Variants in FBXW7 observed in about 807,000 individuals in gnomAD.
FBXW7 encodes the protein F-box and WD repeat domain containing 7, also known as F-box/WD repeat-containing protein 7.
Under a neutral mutation model 86.3 loss-of-function variants are expected in FBXW7, and 11 were observed. That is an observed-to-expected ratio of 0.13 (90% CI 0.08 to 0.21). The LOEUF is 0.21. FBXW7 is among the 10% of genes least tolerant of loss of function. The pLI, the probability that FBXW7 is intolerant of heterozygous loss-of-function variation, is 1.00. For missense variants in FBXW7, 488 were observed against 847.4 expected (o/e 0.58, Z 5.27); for synonymous variants, 313 against 297.9 (o/e 1.05, Z -0.52).
At chr4:152,456,886 G>A (rs561443147) in intron 2 of FBXW7, among the ~76,000 whole-genome samples, 11 of 152,170 alleles carry the variant, frequency 7.2e-5, no homozygotes, top group Non-Finnish European at 1.3e-4. Context: ...AAGAGCACAA[G>A]TCCACATAAA....
In FBXW7 at chr4:152,499,543, G is replaced by A. The variant is rs868367203; in HGVS notation, c.-120+35398C>T. Reference sequence around the variant, plus strand: ...ACAAGACTCTCTCTGTTCCTCATATGGAGGTAAGAACCAGAGACTTATCAG... The same window carrying A: ...ACAAGACTCTCTCTGTTCCTCATATAGAGGTAAGAACCAGAGACTTATCAG... On this transcript the variant is annotated intron_variant, in intron 2 of 13. Transcript: ENST00000281708. Among the ~76,000 whole-genome samples, 4 of 151,882 alleles carry A rather than the reference G, an allele frequency of 2.6e-5. No homozygotes were observed. In the South Asian group the frequency reaches 8.3e-4, roughly 32 times the overall value.
intron 4 of FBXW7, among the ~76,000 whole-genome samples, chr4:152,364,497 TTTG>T (rs1462888286): frequency 2.0e-5 from 3 of 152,326 alleles, no homozygotes; most frequent in South Asian, 4.1e-4. Context: ...TCAAATGTTC[TTTG>T]TTGATTACTC....
intron 4 of FBXW7, 111 bp from the exon 5 acceptor site, chr4:152,350,235 T>A: frequency 2.0e-6 from 1 of 493,520 alleles, no homozygotes; most frequent in African/African-American, 2.0e-5. Flanking sequence ...CCTACAATGT[T>A]AATTAAATAT....
chr4:152,398,226 T>A (rs1169935898), intron 4 of FBXW7, among the ~76,000 whole-genome samples: 1 of 151,850 alleles, frequency 6.6e-6, no homozygotes, highest in African/African-American at 2.4e-5. Flanking sequence ...TATTTAAATA[T>A]ATGGAAAGCC....
At chr4:152,411,123 ATC>A in intron 4 of FBXW7, 178 bp downstream of exon 4, 1 of 1,014,862 alleles carries the variant, frequency 9.9e-7, no homozygotes, top group Non-Finnish European at 1.3e-6. Context: ...TTGTCCCATT[ATC>A]AGTATTTCTA....
chr4:152,483,023 G>A (rs949302234), intron 2 of FBXW7, among the ~76,000 whole-genome samples: 2 of 152,006 alleles, frequency 1.3e-5, no homozygotes, highest in Non-Finnish European at 2.9e-5. Context: ...TAATCAGCTT[G>A]CTAATATTCT....
chr4:152,434,196 T>C (rs1409646491), intron 2 of FBXW7, among the ~76,000 whole-genome samples: 2 of 152,196 alleles, frequency 1.3e-5, no homozygotes, highest in Non-Finnish European at 2.9e-5. Context: ...GGACAGTAAG[T>C]GTCGTACGGA....
chr4:152,391,606 C>G (rs562954871), intron 4 of FBXW7, among the ~76,000 whole-genome samples: 1 of 152,174 alleles, frequency 6.6e-6, no homozygotes, highest in Middle Eastern at 3.4e-3. Flanking sequence ...AATACGTACG[C>G]ATTGTTTCAG....
chr4:152,534,134 G>A (rs926173879), intron 2 of FBXW7, among the ~76,000 whole-genome samples: 5 of 151,662 alleles, frequency 3.3e-5, no homozygotes, highest in Admixed American at 3.3e-4. Context: ...TTAAAATAAT[G>A]GAAGGAAAAA....
At chr4:152,332,105 A>G (rs1729615763) in intron 8 of FBXW7, among the ~76,000 whole-genome samples, 1 of 151,718 alleles carries the variant, frequency 6.6e-6, no homozygotes, top group South Asian at 2.1e-4. Flanking sequence ...AAAAAAAACA[A>G]AAACAAAAAA....
intron 2 of FBXW7, among the ~76,000 whole-genome samples, chr4:152,460,157 AG>A (rs1742811169): frequency 6.6e-6 from 1 of 152,196 alleles, no homozygotes; most frequent in African/African-American, 2.4e-5. Flanking sequence ...CACATTTTTA[AG>A]TTTTTTAGAA....
intron 2 of FBXW7, among the ~76,000 whole-genome samples, chr4:152,421,712 T>C (rs749247858): frequency 3.3e-5 from 5 of 152,152 alleles, no homozygotes; most frequent in Non-Finnish European, 2.9e-5. Flanking sequence ...TCTTTTCACT[T>C]GAACACTTAG....
intron 4 of FBXW7, among the ~76,000 whole-genome samples, chr4:152,396,229 TG>T (rs1163573731): frequency 2.0e-5 from 3 of 152,028 alleles, no homozygotes; most frequent in African/African-American, 7.2e-5. Context: ...CTCTGACTTC[TG>T]GGTGGATAAA....
chr4:152,512,643 C>T (rs1748083802), intron 2 of FBXW7, among the ~76,000 whole-genome samples: 1 of 152,090 alleles, frequency 6.6e-6, no homozygotes, highest in African/African-American at 2.4e-5. Context: ...ACACAAAAGG[C>T]CATGTACTGT....
intron 2 of FBXW7, among the ~76,000 whole-genome samples, chr4:152,450,117 C>A (rs1007567247): frequency 6.6e-6 from 1 of 152,220 alleles, no homozygotes; most frequent in African/African-American, 2.4e-5. Context: ...TCTGCCTTCA[C>A]CTTGCACTGC....
At chr4:152,522,656 T>C (rs1749133428) in intron 2 of FBXW7, among the ~76,000 whole-genome samples, 1 of 152,140 alleles carries the variant, frequency 6.6e-6, no homozygotes, top group South Asian at 2.1e-4. Flanking sequence ...CTCCCCCAAA[T>C]GACCATCAGA....
chr4:152,391,907 C>A (rs1395036534), intron 4 of FBXW7, among the ~76,000 whole-genome samples: 1 of 152,100 alleles, frequency 6.6e-6, no homozygotes, highest in Admixed American at 6.6e-5. Flanking sequence ...AGTTGTGTTA[C>A]TTCCTAAATT....
At chr4:152,377,295 T>G (rs1270999972) in intron 4 of FBXW7, among the ~76,000 whole-genome samples, 1 of 152,130 alleles carries the variant, frequency 6.6e-6, no homozygotes, top group African/African-American at 2.4e-5. Context: ...AAAACTTACA[T>G]TGTTTCATTA....
intron 4 of FBXW7, among the ~76,000 whole-genome samples, chr4:152,393,155 A>G (rs1156950059): frequency 1.3e-5 from 2 of 152,168 alleles, no homozygotes; most frequent in African/African-American, 2.4e-5. Context: ...CATTTGTTCC[A>G]TATTTTCAAA....
Sources: gnomAD v4.1 joint callset for allele counts (sites outside exome capture counted in the v4.1 genomes callset) on GRCh38, gnomAD v4.1.1 for gene constraint, MANE v1.5 for transcripts, NCBI Gene and HGNC (gene_info 2026-07-23, HGNC 2026-07-21) for gene names.